Variants in CSNK1A1 observed in about 807,000 individuals in gnomAD.
CSNK1A1 encodes casein kinase I isoform alpha.
A neutral mutation model predicts 46.1 loss-of-function variants in CSNK1A1; 7 were observed. The ratio of observed to expected loss-of-function variants is 0.15; its 90% CI spans 0.09 to 0.29. The LOEUF is 0.29. Ranked by LOEUF, CSNK1A1 falls within the 10% of genes least tolerant of loss-of-function variation. The pLI, the probability that CSNK1A1 is intolerant of heterozygous loss-of-function variation, is 1.00. For synonymous variants in CSNK1A1, 137 were observed against 141.5 expected (o/e 0.97, Z 0.23); for missense variants, 96 against 417.1 (o/e 0.23, Z 6.71).
chr5:149,501,264 T>TAA (rs745710033), intron 9 of CSNK1A1: 3 of 826,716 alleles, frequency 3.6e-6, no homozygotes, highest in Non-Finnish European at 4.4e-6. Flanking sequence ...CTGTCCACAG[T>TAA]AAAAAAAAAA....
At chr5:149,548,805 T>C (rs370751781) in intron 2 of CSNK1A1, among the ~76,000 whole-genome samples, 96 of 152,320 alleles carry the variant, frequency 6.3e-4, no homozygotes, top group African/African-American at 2.2e-3. Flanking sequence ...GCCAAGATCG[T>C]GCCATTCATT....
chr5:149,512,031 C>T (rs1580828518), intron 5 of CSNK1A1, among the ~76,000 whole-genome samples, 159 bp from the exon 6 acceptor site: 2 of 152,194 alleles, frequency 1.3e-5, no homozygotes, highest in East Asian at 3.9e-4. Context: ...TTAAAAAGTT[C>T]ATGTGTTACC....
At chr5:149,547,952 C>T (rs1762531706) in intron 2 of CSNK1A1, among the ~76,000 whole-genome samples, 1 of 151,964 alleles carries the variant, frequency 6.6e-6, no homozygotes, top group Admixed American at 6.6e-5. Context: ...CTTACTGCAA[C>T]CTCCGACTCC....
chr5:149,524,001 T>A (rs112636965), intron 3 of CSNK1A1, among the ~76,000 whole-genome samples: 3 of 152,316 alleles, frequency 2.0e-5, no homozygotes, highest in African/African-American at 7.2e-5. Flanking sequence ...TCAAATACCA[T>A]GTCTGTTTAT....
chr5:149,537,920 A>T (rs1317469206), intron 2 of CSNK1A1, among the ~76,000 whole-genome samples: 1 of 151,250 alleles, frequency 6.6e-6, no homozygotes, highest in Non-Finnish European at 1.5e-5. Flanking sequence ...TTTCAGCAGG[A>T]GACAAATTCA....
chr5:149,512,352 G>A (rs932456417), intron 5 of CSNK1A1, among the ~76,000 whole-genome samples: 5 of 151,862 alleles, frequency 3.3e-5, no homozygotes, highest in Admixed American at 1.3e-4. Flanking sequence ...ATGCCTTGGC[G>A]TACAGAAAAA....
At chr5:149,505,106 T>G in intron 9 of CSNK1A1, 1 of 1,005,612 alleles carries the variant, frequency 9.9e-7, no homozygotes, top group Non-Finnish European at 1.2e-6. Context: ...TTTGGATTGA[T>G]TGATTATATT....
chr5:149,498,727 T>C (rs1459020586), intron 9 of CSNK1A1: 1 of 985,040 alleles, frequency 1.0e-6, no homozygotes, highest in Non-Finnish European at 1.2e-6. Flanking sequence ...ATAGTTTTCT[T>C]ATGTAATCAT....
intron 2 of CSNK1A1, among the ~76,000 whole-genome samples, chr5:149,536,455 C>T (rs969207743): frequency 1.3e-5 from 2 of 151,992 alleles, no homozygotes; most frequent in South Asian, 2.1e-4. Context: ...TAGACAAAAA[C>T]GATACAAAAA....
intron 3 of CSNK1A1, among the ~76,000 whole-genome samples, chr5:149,524,570 A>T (rs1761672374): frequency 1.3e-5 from 2 of 152,160 alleles, no homozygotes; most frequent in African/African-American, 4.8e-5. Context: ...ATGGTTGAGA[A>T]TCCATTACTC....
intron 2 of CSNK1A1, among the ~76,000 whole-genome samples, chr5:149,540,602 C>T (rs1169458433): frequency 6.6e-6 from 1 of 151,830 alleles, no homozygotes; most frequent in Non-Finnish European, 1.5e-5. Flanking sequence ...TAACTGGGGA[C>T]TGGGGAGAAA....
chr5:149,535,989 C>G (rs113644906), intron 2 of CSNK1A1, among the ~76,000 whole-genome samples: 1 of 151,446 alleles, frequency 6.6e-6, no homozygotes. Context: ...GTTTTGCTCT[C>G]GTTGCCCAGG....
At chr5:149,504,581 G>C in intron 9 of CSNK1A1, 2 of 985,422 alleles carry the variant, frequency 2.0e-6, no homozygotes, top group South Asian at 9.4e-5. Flanking sequence ...TATAGCAACA[G>C]TGTGCCCTAA....
chr5:149,499,964 T>A (rs1474819688), intron 9 of CSNK1A1, among the ~76,000 whole-genome samples: 1 of 76,368 alleles, frequency 1.3e-5, no homozygotes, highest in African/African-American at 4.1e-5. Context: ...TTTTTCTTTT[T>A]TTCTTTTTTT....
intron 2 of CSNK1A1, among the ~76,000 whole-genome samples, chr5:149,546,560 G>C (rs1308643468): frequency 6.6e-6 from 1 of 151,794 alleles, no homozygotes; most frequent in African/African-American, 2.4e-5. Flanking sequence ...TTGAACCCAG[G>C]AGGTGGAGGC....
chr5:149,516,879 A>G (rs1761421580), intron 4 of CSNK1A1, among the ~76,000 whole-genome samples: 1 of 152,192 alleles, frequency 6.6e-6, no homozygotes, highest in African/African-American at 2.4e-5. Flanking sequence ...CAGATGATAC[A>G]TGTGGATAAT....
Position 149,542,159 on chromosome 5 carries a change from T to G in CSNK1A1, c.230+7916A>C, listed in dbSNP as rs550943801. Among the ~76,000 whole-genome samples, 730 of 151,812 alleles carry G rather than the reference T, an allele frequency of 4.8e-3. 2 individuals are homozygous for G. Among genetic ancestry groups the G allele is most frequent in the Admixed American group, 7.6e-3 (115 of 15,224 alleles). ...CTCCTGTCAGATCAACAGAATTAGA[T>G]TCTCATAGGAACGCAAACCCTGCTG... On this transcript the variant is annotated intron_variant, in intron 2 of 9. Transcript: ENST00000377843.
chr5:149,516,568 C>CA (rs1561758615), intron 4 of CSNK1A1, among the ~76,000 whole-genome samples: 1 of 151,616 alleles, frequency 6.6e-6, no homozygotes, highest in Non-Finnish European at 1.5e-5. Context: ...CCTGTATGTA[C>CA]AAAATCTAAA....
Position 149,538,014 on chromosome 5 carries a change from G to GTTTTTTT in CSNK1A1, c.230+12054_230+12060dup, listed in dbSNP as rs890909710. On this transcript the variant is annotated intron_variant, in intron 2 of 9. Transcript: ENST00000377843. ...TTGTCTGTTCAATGAAGTGTGCCCA[G>GTTTTTTT]TTTTTTTTTTTTTTTTTTTTTTTTT... 2.8e-4 allele frequency among the ~76,000 whole-genome samples: 24 copies of GTTTTTTT among 85,728 alleles called. 1 individual carries two copies. The highest frequency in any genetic ancestry group is 4.2e-4 in the African/African-American group (8 of 19,174). 56.2% of individuals were successfully genotyped at this position (85,728 alleles called of 152,430 possible). A position where few individuals can be genotyped will look rare whatever the true frequency, so the allele number is the denominator to read the frequency against.
Sources: allele counts gnomAD v4.1 joint callset (sites outside exome capture counted in the v4.1 genomes callset), GRCh38; gene constraint gnomAD v4.1.1; transcripts MANE v1.5; gene names NCBI Gene and HGNC (gene_info 2026-07-23, HGNC 2026-07-21).